MAGEE1: variants seen among roughly 807,000 people sequenced by gnomAD.
MAGEE1 encodes MAGE family member E1, also known as melanoma-associated antigen E1.
In MAGEE1, 3 loss-of-function variants were observed where a neutral mutation model predicts 12.0. The observed-to-expected ratio is 0.25, with a 90% CI of 0.11 to 0.65. The LOEUF is 0.65. Among genes scored for constraint, MAGEE1 ranks in the 30% least tolerant of loss-of-function variants. The pLI, the probability that MAGEE1 is intolerant of heterozygous loss-of-function variation, is 0.84. For synonymous variants in MAGEE1, 414 were observed against 326.1 expected (o/e 1.27, Z -2.91); for missense variants, 729 against 772.2 (o/e 0.94, Z 0.66).
chrX:76,430,844 C>A lies in MAGEE1; in HGVS notation c.*40C>A, dbSNP rs1468734738. On this transcript the variant is annotated 3_prime_UTR_variant, in exon 1 of 1. Coordinates refer to ENST00000361470, the MANE Select transcript of MAGEE1 (RefSeq NM_020932.3). The stretch of plus-strand genomic sequence containing the variant: ...GTCAGAGGGGCCTTGCAAGGAGGGG[C>A]CTTTGAGCCTCAGTTCTCATGTATT... 5.1e-6 allele frequency: 4 copies of A among 782,884 alleles called. No individual in the cohort carries two copies. Among genetic ancestry groups the A allele is most frequent in the South Asian group, 3.3e-5 (1 of 29,924 alleles). 64.5% of individuals were successfully genotyped at this position (782,884 alleles called of 1,213,427 possible). A position where few individuals can be genotyped will look rare whatever the true frequency, so the allele number is the denominator to read the frequency against.
rs782398852 is a variant in MAGEE1, at chrX:76,428,547, A to G, written c.617A>G (p.Glu206Gly). ...ACCTCCGTGCTGCCTACACCTGGTG[A>G]GGGACCAGGCACCTCCGTGCCGCTC... ...PSTSVLPTPG[E>G]GPGTSVPLAA... The change falls in exon 1 of 1, where the codon GAG becomes GGG. Residue 206 changes from glutamate to glycine, a missense_variant. Glu to Gly is a moderately conservative substitution (Grantham distance 98, BLOSUM62 -2). Transcript: ENST00000361470. 3 of 1,207,297 alleles carry G rather than the reference A, an allele frequency of 2.5e-6. No individual in the cohort carries two copies. In the East Asian group the frequency reaches 8.9e-5, roughly 36 times the overall value.
chrX:76,430,939 T>A lies in MAGEE1; in HGVS notation c.*135T>A. ...AGTTATATTTATGTCTTTTCATATT[T>A]AGTTCTGGTGTGGTGTCTGGAAATG... On this transcript the variant is annotated 3_prime_UTR_variant, in exon 1 of 1. Transcript: ENST00000361470. The A allele has an allele frequency of 2.0e-6, 1 of 488,941 alleles. No individual in the cohort carries two copies. The highest frequency in any genetic ancestry group is 3.4e-6 in the Non-Finnish European group (1 of 296,651). The allele number at this position is 488,941 out of a possible 1,213,427, so 40.3% of individuals were successfully genotyped here.
Position 76,430,289 on chromosome X carries a change from C to T in MAGEE1, c.2359C>T (p.Leu787=), listed in dbSNP as rs369155975. The T allele has an allele frequency of 1.7e-6, 2 of 1,211,943 alleles. No homozygotes were observed. The highest frequency in any genetic ancestry group is 3.0e-5 in the East Asian group (1 of 33,827). Residue 787 remains leucine (L), a synonymous_variant, in exon 1 of 1, where the codon CTG becomes TTG. Transcript: ENST00000361470. ...GTGCAGCAAAGTGTTCCCTGACCTC[C>T]TGAATCGTGCTGCCCGCACCCTGAA... ...RECSKVFPDL[L]NRAARTLNHV...
chrX:76,429,577 A>G lies in MAGEE1; in HGVS notation c.1647A>G (p.Arg549=), dbSNP rs782218987. The part of the protein sequence containing the change: ...HLECIFRFEL[R]ELDPEAHTYI... ...AGTGCATTTTTAGGTTTGAATTGAG[A>G]GAACTTGACCCTGAGGCACACACCT... is the stretch of plus-strand genomic sequence containing the variant. The change falls in exon 1 of 1, where the codon AGA becomes AGG. Residue 549 remains arginine (R), a synonymous_variant. Coordinates refer to ENST00000361470, the MANE Select transcript of MAGEE1 (RefSeq NM_020932.3). 2 of 1,209,627 alleles carry G rather than the reference A, an allele frequency of 1.7e-6. No homozygotes were observed. The highest frequency in any genetic ancestry group is 5.9e-5 in the East Asian group (2 of 33,728).
In MAGEE1 at chrX:76,429,076, C is replaced by A; in HGVS notation, c.1146C>A (p.Pro382=). The change falls in exon 1 of 1, where the codon CCC becomes CCA. Residue 382 remains proline, a synonymous_variant. Transcript: ENST00000361470. ...ATGGATCGGACACCTCCGTGCCGCC[C>A]ACTCCTGGTGAGGGCGCAAGCACCT... ...ASDGSDTSVP[P]TPGEGASTLV... The A allele has an allele frequency of 8.3e-7, 1 of 1,211,887 alleles. No homozygotes were observed. The highest frequency in any genetic ancestry group is 1.1e-6 in the Non-Finnish European group (1 of 895,378).
rs111339291 is a variant in MAGEE1 at position 76,430,838 on chromosome X, G to A, written c.*34G>A. 2 of 1,004,246 alleles carry A rather than the reference G, an allele frequency of 2.0e-6. No individual in the cohort carries two copies. Among genetic ancestry groups the A allele is most frequent in the East Asian group, 3.1e-5 (1 of 31,850 alleles). 82.8% of individuals were successfully genotyped at this position (1,004,246 alleles called of 1,213,427 possible). A position where few individuals can be genotyped will look rare whatever the true frequency, so the allele number is the denominator to read the frequency against. On this transcript the variant is annotated 3_prime_UTR_variant, in exon 1 of 1. Transcript: ENST00000361470. ...ATGGCAGTCAGAGGGGCCTTGCAAG[G>A]AGGGGCCTTTGAGCCTCAGTTCTCA...
In MAGEE1 at chrX:76,430,934, A is replaced by T. The variant is rs1923371265; in HGVS notation, c.*130A>T. 4.0e-6 allele frequency: 2 copies of T among 495,665 alleles called. No homozygotes were observed. Among genetic ancestry groups the T allele is most frequent in the East Asian group, 3.7e-5 (1 of 27,100 alleles). 40.8% of individuals were successfully genotyped at this position (495,665 alleles called of 1,213,427 possible). A position where few individuals can be genotyped will look rare whatever the true frequency, so the allele number is the denominator to read the frequency against. ...GTTCCAGTTATATTTATGTCTTTTC[A>T]TATTTAGTTCTGGTGTGGTGTCTGG... On this transcript the variant is annotated 3_prime_UTR_variant, in exon 1 of 1. Transcript: ENST00000361470.
rs1556839475 is a variant in MAGEE1, at chrX:76,428,832, C to A, written c.902C>A (p.Thr301Asn). The change falls in exon 1 of 1, where the codon ACC becomes AAC. Residue 301 changes from threonine to asparagine, a missense_variant. Thr to Asn is a moderately conservative substitution (Grantham distance 65). Transcript: ENST00000361470. ...GSSTSVPPTA[T>N]EGLSTSVQPT... is the part of the protein sequence containing the mutation. ...AGCACCTCCGTGCCCCCCACCGCCA[C>A]CGAGGGCCTGAGCACCTCCGTGCAG... The A allele has an allele frequency of 8.3e-7, 1 of 1,207,577 alleles. No homozygotes were observed.
rs1556839196 is a variant in MAGEE1, at chrX:76,428,336, C to T, written c.406C>T (p.Arg136Trp). Residue 136 changes from arginine to tryptophan, a missense_variant, in exon 1 of 1, where the codon CGG (arginine) becomes TGG (tryptophan). Physicochemically the swap from Arg to Trp is moderately radical, Grantham distance 101. Around this residue, in one of 4 missense-constraint regions of MAGEE1, gnomAD observed 473 missense variants for 423.7 expected, o/e 1.12. Coordinates refer to ENST00000361470, the MANE Select transcript of MAGEE1 (RefSeq NM_020932.3). ...TSVTLAASEG[R>W]NTSRPPTSSE... ...TGTGACGCTTGCCGCCTCTGAGGGC[C>T]GGAACACCTCCAGGCCGCCCACTTC... The T allele has an allele frequency of 1.1e-5, 13 of 1,210,282 alleles. No individual in the cohort carries two copies. The highest frequency in any genetic ancestry group is 2.2e-6 in the Non-Finnish European group (2 of 895,144).
rs147638565 is a variant in MAGEE1 at position 76,428,460 on chromosome X, C to G, written c.530C>G (p.Pro177Arg). ...GGTGAGGGAACGAGCACCTCCGTGC[C>G]GCCCACAGCCTATGAGGGACCAAGC... ...TPGEGTSTSV[P>R]PTAYEGPSTS... The change falls in exon 1 of 1, where the codon CCG becomes CGG. Residue 177 changes from proline to arginine, a missense_variant. Around this residue, in one of 4 missense-constraint regions of MAGEE1, gnomAD observed 473 missense variants for 423.7 expected, o/e 1.12. Transcript: ENST00000361470. 5 of 1,204,363 alleles carry G rather than the reference C, an allele frequency of 4.2e-6. No homozygotes were observed. In the African/African-American group the frequency reaches 9.0e-5, roughly 22 times the overall value.
chrX:76,428,070 A>G lies in MAGEE1; in HGVS notation c.140A>G (p.Gln47Arg), dbSNP rs1923250975. The G allele has an allele frequency of 2.5e-6, 3 of 1,179,191 alleles. No homozygotes were observed. The highest frequency in any genetic ancestry group is 1.1e-6 in the Non-Finnish European group (1 of 879,496). Residue 47 changes from glutamine (Q) to arginine (R), a missense_variant, in exon 1 of 1, where the codon CAG (glutamine) becomes CGG (arginine). Physicochemically the swap from Gln to Arg is conservative, Grantham distance 43. This residue lies in a region of MAGEE1 where 473 missense variants were observed against 423.7 expected (regional missense o/e 1.12). Coordinates refer to ENST00000361470, the MANE Select transcript of MAGEE1 (RefSeq NM_020932.3). ...GATGTGCCAGGCTCAGACGTCCCCC[A>G]GGGTCCCAGCGATTCCCAGATCCTC... ...PADVPGSDVP[Q>R]GPSDSQILQG... is the part of the protein sequence containing the mutation.
At position 76,428,107 on chromosome X, in the gene MAGEE1, C is replaced by T. The variant is rs1556839127; in HGVS notation, c.177C>T (p.Cys59=). Residue 59 remains cysteine (C), a synonymous_variant, in exon 1 of 1, where the codon TGC becomes TGT. Transcript: ENST00000361470. ...PSDSQILQGL[C]ASEGPSTSVL... is the part of the protein sequence containing the mutation. ...ATTCCCAGATCCTCCAGGGCCTCTG[C>T]GCCTCTGAGGGCCCAAGCACCTCCG... is the stretch of plus-strand genomic sequence containing the variant. 7 of 1,187,092 alleles carry T rather than the reference C, an allele frequency of 5.9e-6. No homozygotes were observed. In the South Asian group the frequency reaches 1.3e-4, roughly 22 times the overall value.
Position 76,430,231 on chromosome X carries a change from A to C in MAGEE1, c.2301A>C (p.Pro767=), listed in dbSNP as rs1923347468. The change falls in exon 1 of 1, where the codon CCA becomes CCC. Residue 767 remains proline, a synonymous_variant. Transcript: ENST00000361470. ...LLMDSTKLPI[P]KKGILYYIGR... ...TGGATTCAACTAAGCTGCCTATACC[A>C]AAGAAAGGAATTCTGTACTACATTG... 1 of 1,210,379 alleles carries C rather than the reference A, an allele frequency of 8.3e-7. No individual in the cohort carries two copies. Among genetic ancestry groups the C allele is most frequent in the Admixed American group, 2.2e-5 (1 of 45,864 alleles).
Position 76,428,274 on chromosome X carries a change from C to T in MAGEE1, c.344C>T (p.Ser115Phe). The T allele has an allele frequency of 8.3e-6, 10 of 1,211,691 alleles. No homozygotes were observed. Among genetic ancestry groups the T allele is most frequent in the Non-Finnish European group, 1.0e-5 (9 of 895,397 alleles). The part of the protein sequence containing the change: ...LPTPSEGLST[S>F]GPPTISKGLC... The stretch of plus-strand genomic sequence containing the variant: ...ACCCCCAGTGAGGGCCTAAGCACCT[C>T]CGGGCCTCCCACCATCTCTAAGGGG... Residue 115 changes from serine (S) to phenylalanine (F), a missense_variant, in exon 1 of 1, where the codon TCC (serine) becomes TTC (phenylalanine). By Grantham distance (155) the Ser-to-Phe change is radical (BLOSUM62 -2). Transcript: ENST00000361470.
rs782771023 is a variant in MAGEE1 at position 76,428,177 on chromosome X, A to G, written c.247A>G (p.Thr83Ala). Reference sequence around the variant, plus strand: ...GGGCCCAAGCACCTTTGTGCCGCCCACCATCTCTGAGGCCTCAAGCGCCTC... The same window carrying G: ...GGGCCCAAGCACCTTTGTGCCGCCCGCCATCTCTGAGGCCTCAAGCGCCTC... ...AEGPSTFVPP[T>A]ISEASSASGQ... is the part of the protein sequence containing the mutation. The change falls in exon 1 of 1, where the codon ACC becomes GCC. Residue 83 changes from threonine (T) to alanine (A), a missense_variant. Thr to Ala is a moderately conservative substitution (Grantham distance 58). Transcript: ENST00000361470. 1 of 1,207,916 alleles carries G rather than the reference A, an allele frequency of 8.3e-7. No individual in the cohort carries two copies. Among genetic ancestry groups the G allele is most frequent in the Non-Finnish European group, 1.1e-6 (1 of 893,732 alleles).
chrX:76,429,599 A>G lies in MAGEE1; in HGVS notation c.1669A>G (p.Thr557Ala), dbSNP rs782419472. ...GAGAGAACTTGACCCTGAGGCACAC[A>G]CCTACATTCTGTTAAACAAACTGGG... is the stretch of plus-strand genomic sequence containing the variant. ...ELRELDPEAH[T>A]YILLNKLGPV... Residue 557 changes from threonine to alanine, a missense_variant, in exon 1 of 1, where the codon ACC becomes GCC. By Grantham distance (58) the Thr-to-Ala change is moderately conservative. Transcript: ENST00000361470. The G allele has an allele frequency of 3.3e-6, 4 of 1,211,388 alleles. No homozygotes were observed. The highest frequency in any genetic ancestry group is 4.5e-6 in the Non-Finnish European group (4 of 895,315).
rs150900854 is a variant in MAGEE1, at chrX:76,430,514, C to T, written c.2584C>T (p.Arg862Trp). 8 of 1,208,087 alleles carry T rather than the reference C, an allele frequency of 6.6e-6. No individual in the cohort carries two copies. The highest frequency in any genetic ancestry group is 9.0e-6 in the Non-Finnish European group (8 of 893,785). The change falls in exon 1 of 1, where the codon CGG becomes TGG. Residue 862 changes from arginine (R) to tryptophan (W), a missense_variant. Around this residue, in one of 4 missense-constraint regions of MAGEE1, gnomAD observed 101 missense variants for 161.3 expected, o/e 0.63. Coordinates refer to ENST00000361470, the MANE Select transcript of MAGEE1 (RefSeq NM_020932.3). Reference protein sequence around the residue: ...ARESAVWAFLRGLGVQAGRKH... With the variant: ...ARESAVWAFLWGLGVQAGRKH... ...GGAGTCTGCAGTCTGGGCCTTTCTGCGGGGCTTAGGGGTTCAAGCTGGGAG... is the reference window on the plus strand; with the variant it reads ...GGAGTCTGCAGTCTGGGCCTTTCTGTGGGGCTTAGGGGTTCAAGCTGGGAG...
chrX:76,427,935 C>G lies in MAGEE1; in HGVS notation c.5C>G (p.Ser2Cys). 1 of 1,194,583 alleles carries G rather than the reference C, an allele frequency of 8.4e-7. No individual in the cohort carries two copies. Among genetic ancestry groups the G allele is most frequent in the African/African-American group, 1.7e-5 (1 of 57,703 alleles). The part of the protein sequence containing the change: M[S>C]LVSQNSRRRR... ...CCAACGCCGGTGGGCAGGACCATGT[C>G]TCTGGTAAGCCAGAATTCGCGCCGC... The change falls in exon 1 of 1, where the codon TCT becomes TGT. Residue 2 changes from serine to cysteine, a missense_variant. Transcript: ENST00000361470.
In MAGEE1 at chrX:76,430,725, A is replaced by C; in HGVS notation, c.2795A>C (p.Gln932Pro). 8.3e-7 allele frequency: 1 copy of C among 1,211,350 alleles called. No homozygotes were observed. The highest frequency in any genetic ancestry group is 1.8e-5 in the South Asian group (1 of 56,897). Residue 932 changes from glutamine (Q) to proline (P), a missense_variant, in exon 1 of 1, where the codon CAG (glutamine) becomes CCG (proline). Transcript: ENST00000361470. ...HRKEPQDWPQ[Q>P]YREAMEDEAN... is the part of the protein sequence containing the mutation. ...AAGGAACCACAGGACTGGCCACAGC[A>C]GTACAGGGAGGCAATGGAAGATGAG...
Sources: allele counts gnomAD v4.1 joint callset, GRCh38; gene constraint gnomAD v4.1.1; regional missense constraint gnomAD v4.1.1; transcripts MANE v1.5; gene names NCBI Gene and HGNC (gene_info 2026-07-23, HGNC 2026-07-21).